The following SMG7 variants were observed in gnomAD, a reference collection of about 807,000 sequenced individuals.
The protein encoded by SMG7 is SMG7 nonsense mediated mRNA decay factor.
Under a neutral mutation model 148.2 loss-of-function variants are expected in SMG7, and 34 were observed. The observed-to-expected ratio is 0.23, with a 90% confidence interval of 0.17 to 0.31. The LOEUF (loss-of-function observed/expected upper bound fraction) is 0.31, where lower values mean the gene tolerates loss of function less well. Among genes scored for constraint, SMG7 ranks in the 10% least tolerant of loss-of-function variants. SMG7 has a pLI of 1.00. For synonymous variants in SMG7, 492 were observed against 515.1 expected (o/e 0.96, Z 0.61); for missense variants, 1,114 against 1,408.4 (o/e 0.79, Z 3.35).
intron 4 of SMG7, among the ~76,000 whole-genome samples, chr1:183,521,218 C>T (rs1160396425): frequency 2.6e-5 from 4 of 152,108 alleles, no homozygotes; most frequent in African/African-American, 9.6e-5. Context: ...TCTGCCTCAG[C>T]CTCCTGAATA....
chr1:183,552,257 C>T lies in SMG7; in HGVS notation c.*326C>T. ...TCCCCAGCCACATGGGAAGTGAAAG[C>T]TGAGAAGGGAAGGCAGATGGGAGAA... On this transcript the variant is annotated 3_prime_UTR_variant, in exon 23 of 23. Coordinates refer to ENST00000688051, the MANE Select transcript of SMG7 (RefSeq NM_001375584.1). The T allele has an allele frequency of 2.9e-6, 3 of 1,033,000 alleles. No homozygotes were observed. The highest frequency in any genetic ancestry group is 2.3e-6 in the Non-Finnish European group (2 of 861,112). 64.0% of individuals were successfully genotyped at this position (1,033,000 alleles called of 1,614,324 possible).
At position 183,549,361 on chromosome 1, in the gene SMG7, A is replaced by G. The variant is rs575078583; in HGVS notation, c.2973+73A>G. On this transcript the variant is annotated intron_variant, in intron 19 of 22. Coordinates refer to ENST00000688051, the MANE Select transcript of SMG7 (RefSeq NM_001375584.1). ...ATCATTGTCTTTCTCATACTGTTTC[A>G]GTATGTCTGTTTTTTCTTTATTTTC... 4.1e-5 allele frequency: 44 copies of G among 1,076,002 alleles called. 1 individual carries two copies. In the South Asian group the frequency reaches 5.8e-4, roughly 14 times the overall value. The allele number at this position is 1,076,002 out of a possible 1,614,324, so 66.7% of individuals were successfully genotyped here.
Position 183,542,948 on chromosome 1 carries a change from T to TGC in SMG7, c.1842+447_1842+448insCG, listed in dbSNP as rs1270916567. Among the ~76,000 whole-genome samples the TGC allele has an allele frequency of 5.6e-3, 833 of 149,582 alleles. 7 individuals carry two copies. Among genetic ancestry groups the TGC allele is most frequent in the Middle Eastern group, 0.014 (4 of 288 alleles). On this transcript the variant is annotated intron_variant, in intron 14 of 22. Coordinates refer to ENST00000688051, the MANE Select transcript of SMG7 (RefSeq NM_001375584.1). Reference sequence around the variant, plus strand: ...ATATATGTGTGTGTGTGTGTGTGTGTGTGTGTGTGTGTGTGTGTGTGTATT... The same window carrying TGC: ...ATATATGTGTGTGTGTGTGTGTGTGTGCGTGTGTGTGTGTGTGTGTGTGTATT...
rs375819033 is a variant in SMG7, at chr1:183,506,602, A to G, written c.30-6235A>G. ...GTTATTATCCCAAGTATTCCTTAGAACTCTATGAAACAAGTGAACAAATTA... is the reference window on the plus strand; with the variant it reads ...GTTATTATCCCAAGTATTCCTTAGAGCTCTATGAAACAAGTGAACAAATTA... On this transcript the variant is annotated intron_variant, in intron 1 of 22. Transcript: ENST00000688051. 2.9e-4 allele frequency among the ~76,000 whole-genome samples: 44 copies of G among 151,254 alleles called. No individual in the cohort carries two copies. In the East Asian group the frequency reaches 5.6e-3, roughly 19 times the overall value.
At chr1:183,477,277 A>G (rs2102016798) in intron 1 of SMG7, among the ~76,000 whole-genome samples, 1 of 152,082 alleles carries the variant, frequency 6.6e-6, no homozygotes, top group Middle Eastern at 3.4e-3. Context: ...TTCTTCCTTC[A>G]CTATTCTCTT....
intron 2 of SMG7, 149 bp from the exon 3 acceptor site, chr1:183,515,725 A>T (rs577373630): frequency 2.4e-6 from 1 of 411,904 alleles, no homozygotes; most frequent in South Asian, 8.2e-5. Context: ...GAAATATAGT[A>T]GTATAAAACT....
chr1:183,548,084 C>T (rs1325174007), intron 18 of SMG7, among the ~76,000 whole-genome samples: 2 of 152,098 alleles, frequency 1.3e-5, no homozygotes, highest in Admixed American at 6.6e-5. Flanking sequence ...AGAACACATT[C>T]GTAAAATTAA....
chr1:183,473,659 T>A, intron 1 of SMG7: 1 of 759,996 alleles, frequency 1.3e-6, no homozygotes, highest in Non-Finnish European at 1.6e-6. Flanking sequence ...TGAAATTAAC[T>A]GGGGAGTGAC....
At chr1:183,510,328 G>A (rs751494406) in intron 1 of SMG7, among the ~76,000 whole-genome samples, 14 of 152,116 alleles carry the variant, frequency 9.2e-5, no homozygotes, top group Non-Finnish European at 2.1e-4. Flanking sequence ...ACATTGGTAG[G>A]ATAGGGTACA....
rs372683581 is a variant in SMG7, at chr1:183,472,659, G to A, written c.29+10G>A. The A allele has an allele frequency of 1.4e-6, 2 of 1,468,574 alleles. No homozygotes were observed. The highest frequency in any genetic ancestry group is 1.8e-6 in the Non-Finnish European group (2 of 1,101,224). The allele number at this position is 1,468,574 out of a possible 1,614,324, so 91.0% of individuals were successfully genotyped here. On this transcript the variant is annotated intron_variant, in intron 1 of 22. Coordinates refer to ENST00000688051, the MANE Select transcript of SMG7 (RefSeq NM_001375584.1). ...GCGCGCAGTACCTCCGGTGAGTGCC[G>A]AGGCCGGGCTGGTACGTAGGGGGAG...
At chr1:183,541,697 A>G (rs891589064) in intron 13 of SMG7, among the ~76,000 whole-genome samples, 2 of 152,308 alleles carry the variant, frequency 1.3e-5, no homozygotes, top group East Asian at 3.9e-4. Flanking sequence ...AGGTAGTTAA[A>G]TGCTTCCATG....
At chr1:183,525,008 T>C (rs1296788774) in intron 4 of SMG7, among the ~76,000 whole-genome samples, 1 of 152,182 alleles carries the variant, frequency 6.6e-6, no homozygotes, top group Non-Finnish European at 1.5e-5. Flanking sequence ...GTATCTTTCT[T>C]GTTTACTGGG....
rs1272539933 is a variant in SMG7 at position 183,527,819 on chromosome 1, T to C, written c.485-137T>C. The C allele has an allele frequency of 1.6e-6, 1 of 644,130 alleles. No individual in the cohort carries two copies. The highest frequency in any genetic ancestry group is 3.0e-5 in the East Asian group (1 of 33,418). The allele number at this position is 644,130 out of a possible 1,614,324, so 39.9% of individuals were successfully genotyped here. ...CACATAATCCTATAGTTAATTTGTT[T>C]TAAAGTATTTTGTCTTTAATTTTAA... On this transcript the variant is annotated intron_variant, in intron 5 of 22. Coordinates refer to ENST00000688051, the MANE Select transcript of SMG7 (RefSeq NM_001375584.1). This position sits in a 1 kb window ranked among gnomAD's most constrained non-coding sequence, Gnocchi z 4.0.
In SMG7 at chr1:183,545,322, A is replaced by G. The variant is rs182732483; in HGVS notation, c.2370+10A>G. ...CTCTGGATTCCAGCAGGTAAGTTACAGTTGTGTGTACTATCCAGCTGAATG... is the reference window on the plus strand; with the variant it reads ...CTCTGGATTCCAGCAGGTAAGTTACGGTTGTGTGTACTATCCAGCTGAATG... On this transcript the variant is annotated intron_variant, in intron 16 of 22. Transcript: ENST00000688051. The G allele has an allele frequency of 6.2e-6, 10 of 1,605,086 alleles. No individual in the cohort carries two copies. The East Asian group carries it at 1.6e-4, about 25-fold the overall frequency.
intron 1 of SMG7, among the ~76,000 whole-genome samples, chr1:183,476,968 G>T: frequency 6.6e-6 from 1 of 152,086 alleles, no homozygotes. Context: ...GGTTAGGATA[G>T]GCCGCAGGTG....
intron 1 of SMG7, chr1:183,502,267 T>C: frequency 6.5e-7 from 1 of 1,532,116 alleles, no homozygotes; most frequent in South Asian, 1.2e-5. Flanking sequence ...TCTTAAACCA[T>C]TCTACCTTAT....
intron 4 of SMG7, among the ~76,000 whole-genome samples, chr1:183,521,858 CAAAAAAAA>C (rs35144368): frequency 7.7e-6 from 1 of 129,212 alleles, no homozygotes; most frequent in Admixed American, 7.7e-5. Flanking sequence ...GACCTTGTCT[CAAAAAAAA>C]AAAAAAAAGA....
At chr1:183,526,824 C>A in intron 5 of SMG7, 57 bp downstream of exon 5, 2 of 1,435,346 alleles carry the variant, frequency 1.4e-6, no homozygotes, top group South Asian at 1.3e-5. Flanking sequence ...TTGGAATAGT[C>A]ATAGAAAGAA....
At position 183,550,935 on chromosome 1, in the gene SMG7, T is replaced by C. The variant is rs1293646325; in HGVS notation, c.3304+14T>C. 6.2e-7 allele frequency: 1 copy of C among 1,614,032 alleles called. No homozygotes were observed. On this transcript the variant is annotated intron_variant, in intron 21 of 22. Coordinates refer to ENST00000688051, the MANE Select transcript of SMG7 (RefSeq NM_001375584.1). ...CTGATAAGCCAGGTGAGATCTACAT[T>C]TCATTGCCAGGCAAAATTGAAAGAA... is the stretch of plus-strand genomic sequence containing the variant.
Sources: gnomAD v4.1 joint callset for allele counts (sites outside exome capture counted in the v4.1 genomes callset) on GRCh38, gnomAD v4.1.1 for gene constraint, Gnocchi (gnomAD v3.1) non-coding constraint, MANE v1.5 for transcripts, NCBI Gene and HGNC (gene_info 2026-07-23, HGNC 2026-07-21) for gene names.